Variants in DPP10 observed in about 807,000 individuals in gnomAD.
The protein encoded by DPP10 is inactive dipeptidyl peptidase 10.
Under a neutral mutation model 120.9 loss-of-function variants are expected in DPP10, and 33 were observed. The ratio of observed to expected loss-of-function variants is 0.27; its 90% CI spans 0.21 to 0.37. The LOEUF is 0.37. Ranked by LOEUF, DPP10 falls within the 10% of genes least tolerant of loss-of-function variation. The pLI is 1.00. For missense variants in DPP10, 816 were observed against 942.8 expected (o/e 0.87, Z 1.76); for synonymous variants, 337 against 326.1 (o/e 1.03, Z -0.36).
intron 5 of DPP10, among the ~76,000 whole-genome samples, chr2:115,659,956 AAATGGATT>A (rs2088775476): frequency 6.6e-6 from 1 of 152,204 alleles, no homozygotes; most frequent in Non-Finnish European, 1.5e-5. Flanking sequence ...AAGAAGCCAC[AAATGGATT>A]AATCATTATG....
intron 5 of DPP10, among the ~76,000 whole-genome samples, chr2:115,607,464 T>C (rs2149239676): frequency 6.6e-6 from 1 of 152,284 alleles, no homozygotes; most frequent in African/African-American, 2.4e-5. Flanking sequence ...GTTTTAGTTA[T>C]TTTTAGCACA....
At chr2:115,162,203 C>G in intron 1 of DPP10, 1 of 1,554,722 alleles carries the variant, frequency 6.4e-7, no homozygotes, top group Non-Finnish European at 8.7e-7. Flanking sequence ...AAGTTAGAGC[C>G]TCTGCGTGCG....
intron 1 of DPP10, among the ~76,000 whole-genome samples, chr2:114,880,961 G>A (rs1691553170): frequency 6.6e-6 from 1 of 152,122 alleles, no homozygotes; most frequent in Non-Finnish European, 1.5e-5. Flanking sequence ...CGAACTAGCA[G>A]CTGTCTTAAG....
At chr2:115,224,654 AAC>A (rs2057345209) in intron 1 of DPP10, among the ~76,000 whole-genome samples, 1 of 152,220 alleles carries the variant, frequency 6.6e-6, no homozygotes, top group Non-Finnish European at 1.5e-5. Context: ...GAAAATCACT[AAC>A]AGTAATTTTT....
chr2:115,450,834 A>C (rs1439925173), intron 3 of DPP10, among the ~76,000 whole-genome samples: 1 of 152,036 alleles, frequency 6.6e-6, no homozygotes, highest in East Asian at 1.9e-4. Context: ...TTTCTTACCA[A>C]CCATACATCT....
intron 4 of DPP10, among the ~76,000 whole-genome samples, chr2:115,508,065 A>C (rs1428595488): frequency 3.3e-5 from 5 of 152,194 alleles, no homozygotes; most frequent in African/African-American, 9.6e-5. Flanking sequence ...AATTTTTGAC[A>C]ATGGAATCTA....
Position 115,555,529 on chromosome 2 carries a change from C to T in DPP10, c.441+29557C>T, listed in dbSNP as rs145431221. Among the ~76,000 whole-genome samples the T allele has an allele frequency of 2.7e-4, 41 of 152,056 alleles. No homozygotes were observed. In the East Asian group the frequency reaches 6.8e-3, roughly 25 times the overall value. Reference sequence around the variant, plus strand: ...ATCTCTCAGTACTATCTTTATTTCCCGTAACGAGGGTTTTTGTCTTCCTGA... The same window carrying T: ...ATCTCTCAGTACTATCTTTATTTCCTGTAACGAGGGTTTTTGTCTTCCTGA... On this transcript the variant is annotated intron_variant, in intron 5 of 25. Transcript: ENST00000410059.
chr2:114,614,951 G>C (rs1175952409), intron 1 of DPP10, among the ~76,000 whole-genome samples: 1 of 152,050 alleles, frequency 6.6e-6, no homozygotes, highest in Non-Finnish European at 1.5e-5. Flanking sequence ...TGAAACAAGG[G>C]GAGCAGTGAA....
intron 1 of DPP10, among the ~76,000 whole-genome samples, chr2:114,965,706 C>A (rs12478661): frequency 6.6e-6 from 1 of 151,598 alleles, no homozygotes. Flanking sequence ...AGGCCGGGCG[C>A]GGTGGCTCAC....
At chr2:115,563,547 A>T (rs1003321786) in intron 5 of DPP10, among the ~76,000 whole-genome samples, 1 of 152,174 alleles carries the variant, frequency 6.6e-6, no homozygotes, top group African/African-American at 2.4e-5. Flanking sequence ...TAATATAGGG[A>T]TTCACATCCT....
intron 13 of DPP10, among the ~76,000 whole-genome samples, chr2:115,770,396 C>A (rs1390188778): frequency 1.3e-5 from 2 of 152,070 alleles, no homozygotes; most frequent in Non-Finnish European, 2.9e-5. Context: ...CTTTGTTCCT[C>A]TTCTATATAG....
chr2:115,696,763 A>C (rs914539422), intron 7 of DPP10, among the ~76,000 whole-genome samples: 13 of 152,208 alleles, frequency 8.5e-5, no homozygotes, highest in Admixed American at 5.9e-4. Flanking sequence ...TTTTCTACTT[A>C]ATTTAAAAAG....
At chr2:115,650,901 A>G (rs2087712673) in intron 5 of DPP10, among the ~76,000 whole-genome samples, 1 of 151,990 alleles carries the variant, frequency 6.6e-6, no homozygotes, top group Non-Finnish European at 1.5e-5. Context: ...AAGAGAAAGA[A>G]AGGAAGAAAG....
chr2:114,941,080 G>A (rs1696862046), intron 1 of DPP10, among the ~76,000 whole-genome samples: 1 of 152,036 alleles, frequency 6.6e-6, no homozygotes, highest in South Asian at 2.1e-4. Flanking sequence ...TTGTTTTATC[G>A]ACCACTTGAG....
At chr2:114,762,450 C>T (rs79115354) in intron 1 of DPP10, among the ~76,000 whole-genome samples, 1,532 of 152,250 alleles carry the variant, frequency 0.01, 30 homozygotes, top group African/African-American at 0.035. Flanking sequence ...GCAATAGGAG[C>T]TACTAAGTAA....
chr2:114,644,127 A>G (rs2105445616), intron 1 of DPP10, among the ~76,000 whole-genome samples: 1 of 143,136 alleles, frequency 7.0e-6, no homozygotes, highest in South Asian at 2.2e-4. Context: ...TATTTTTAGT[A>G]GAGATGGGGT....
intron 5 of DPP10, among the ~76,000 whole-genome samples, chr2:115,634,679 C>T (rs187005080): frequency 2.3e-4 from 35 of 152,228 alleles, no homozygotes; most frequent in African/African-American, 7.7e-4. Context: ...TGAGGGTTCT[C>T]CTCCAGTCAG....
chr2:114,948,388 A>G (rs963191813), intron 1 of DPP10, among the ~76,000 whole-genome samples: 1 of 151,988 alleles, frequency 6.6e-6, no homozygotes, highest in Non-Finnish European at 1.5e-5. Context: ...ATTTTCCTGC[A>G]TCTTATTTTA....
intron 1 of DPP10, among the ~76,000 whole-genome samples, chr2:115,100,570 GTA>G (rs1167005943): frequency 3.9e-5 from 6 of 152,024 alleles, no homozygotes; most frequent in South Asian, 4.2e-4. Context: ...ATGTGTGTGT[GTA>G]TGTGTGTGTG....
Sources: gnomAD v4.1 joint callset for allele counts (sites outside exome capture counted in the v4.1 genomes callset) on GRCh38, gnomAD v4.1.1 for gene constraint, MANE v1.5 for transcripts, NCBI Gene and HGNC (gene_info 2026-07-23, HGNC 2026-07-21) for gene names.